The following PAK4 variants were observed in gnomAD, a reference collection of about 807,000 sequenced individuals.
PAK4 encodes the protein serine/threonine-protein kinase PAK 4.
In PAK4, 49 loss-of-function variants were observed where a neutral mutation model predicts 53.5. The observed-to-expected ratio is 0.92, with a 90% confidence interval of 0.73 to 1.16. The LOEUF is 1.16. Ranked by LOEUF, PAK4 falls within the 50% of genes most tolerant of loss-of-function variation. PAK4 has a pLI of 0.00. For synonymous variants in PAK4, 376 were observed against 375.6 expected, an observed-to-expected ratio of 1.00 and a Z score of -0.01; for missense variants, 824 against 850.7, an observed-to-expected ratio of 0.97 and a Z score of 0.39.
rs747382740 is a variant in PAK4, at chr19:39,173,989, G to T, written c.1077G>T (p.Arg359Ser). The change falls in exon 4 of 9, where the codon AGG (arginine) becomes AGT (serine). Residue 359 changes from arginine to serine, a missense_variant. Around this residue, in one of 2 missense-constraint regions of PAK4, gnomAD observed 346 missense variants for 415.0 expected, o/e 0.83. Coordinates refer to ENST00000358301, the Ensembl canonical transcript of PAK4. This position sits in a 1 kb window ranked among gnomAD's most constrained non-coding sequence, Gnocchi z 6.9. Reference sequence around the variant, plus strand: ...AGATGGACCTGCGCAAGCAGCAGAGGCGCGAGCTGCTCTTCAACGAGGTGC... The same window carrying T: ...AGATGGACCTGCGCAAGCAGCAGAGTCGCGAGCTGCTCTTCAACGAGGTGC... 6.2e-7 allele frequency: 1 copy of T among 1,601,248 alleles called. No individual in the cohort carries two copies. The highest frequency in any genetic ancestry group is 1.1e-5 in the South Asian group (1 of 90,026).
At chr19:39,145,674 G>T (rs1353074358) in intron 1 of PAK4, among the ~76,000 whole-genome samples, 1 of 152,180 alleles carries the variant, frequency 6.6e-6, no homozygotes, top group Non-Finnish European at 1.5e-5. Flanking sequence ...GGTGTAATGG[G>T]GCGCTGGTGC....
intron 1 of PAK4, among the ~76,000 whole-genome samples, chr19:39,165,195 G>GATGATGATAATAATAATAATAATAATA (rs1364745681): frequency 2.3e-5 from 3 of 128,434 alleles, no homozygotes; most frequent in African/African-American, 8.9e-5. Flanking sequence ...TGATGATGAT[G>GATGATGATAATAATAATAATAATAATA]ATAATAATAA....
intron 1 of PAK4, among the ~76,000 whole-genome samples, chr19:39,147,177 C>G (rs1188271363): frequency 6.6e-6 from 1 of 152,110 alleles, no homozygotes; most frequent in East Asian, 1.9e-4. Flanking sequence ...CCTGCCCATC[C>G]CTAACCTCTG....
chr19:39,172,649 A>G (rs1465316463), intron 2 of PAK4, among the ~76,000 whole-genome samples: 2 of 151,988 alleles, frequency 1.3e-5, no homozygotes, highest in Non-Finnish European at 2.9e-5. Context: ...GAGGAACAGG[A>G]GAAAAACAAG....
intron 1 of PAK4, among the ~76,000 whole-genome samples, chr19:39,163,033 G>T (rs1472904108): frequency 6.6e-6 from 1 of 152,126 alleles, no homozygotes; most frequent in Non-Finnish European, 1.5e-5. Flanking sequence ...GGAATGGCTT[G>T]GGGGACTCAG....
rs200391013 is a variant in PAK4 at position 39,173,591 on chromosome 19, G to A, written c.679G>A (p.Val227Met). 3.0e-4 allele frequency: 459 copies of A among 1,524,344 alleles called. 1 individual carries two copies. In the South Asian group the frequency reaches 3.1e-3, roughly 10 times the overall value. 94.4% of individuals were successfully genotyped at this position (1,524,344 alleles called of 1,614,324 possible). A position where few individuals can be genotyped will look rare whatever the true frequency, so the allele number is the denominator to read the frequency against. ...TCTGTTTCAGGGGGAGCCTCATGACGTGGCCCCTAACGGGCCATCAGCGGG... is the reference window on the plus strand; with the variant it reads ...TCTGTTTCAGGGGGAGCCTCATGACATGGCCCCTAACGGGCCATCAGCGGG... Residue 227 changes from valine to methionine, a missense_variant, in exon 4 of 9, where the codon GTG (valine) becomes ATG (methionine). Around this residue, in one of 2 missense-constraint regions of PAK4, gnomAD observed 478 missense variants for 435.8 expected, o/e 1.10. Transcript: ENST00000358301. This position sits in a 1 kb window ranked among gnomAD's most constrained non-coding sequence, Gnocchi z 6.9.
At chr19:39,171,260 A>G (rs1231845575) in intron 2 of PAK4, among the ~76,000 whole-genome samples, 7 of 138,448 alleles carry the variant, frequency 5.1e-5, no homozygotes, top group African/African-American at 1.7e-4. Context: ...CCCTGGCTGG[A>G]GTGCAGTGGC....
chr19:39,170,860 G>T (rs1388116622), intron 2 of PAK4, among the ~76,000 whole-genome samples: 1 of 152,232 alleles, frequency 6.6e-6, no homozygotes, highest in Non-Finnish European at 1.5e-5. Context: ...GCCGTTTCTG[G>T]CATCTGGTGA....
chr19:39,170,592 C>A (rs1322024529), intron 2 of PAK4, among the ~76,000 whole-genome samples: 5 of 152,194 alleles, frequency 3.3e-5, no homozygotes, highest in Non-Finnish European at 2.9e-5. Flanking sequence ...CAGTGGGGAC[C>A]AGGAGGGGCC....
intron 2 of PAK4, 59 bp downstream of exon 3, chr19:39,169,816 C>A: frequency 7.9e-7 from 1 of 1,271,066 alleles, no homozygotes. Flanking sequence ...TGGCCCTGGC[C>A]CTCAACCCCA....
At chr19:39,150,116 T>G (rs1343336045) in intron 1 of PAK4, among the ~76,000 whole-genome samples, 2 of 152,100 alleles carry the variant, frequency 1.3e-5, no homozygotes, top group African/African-American at 4.8e-5. Flanking sequence ...TAAAAATAAA[T>G]TTTTGAAACC....
Position 39,175,119 on chromosome 19 carries a change from A to T in PAK4, c.1232+55A>T. Reference sequence around the variant, plus strand: ...GACACGACCAAGTCCCCTCCAGACCACTAGGGGTGGGGCCACATCTCCAAA... The same window carrying T: ...GACACGACCAAGTCCCCTCCAGACCTCTAGGGGTGGGGCCACATCTCCAAA... On this transcript the variant is annotated intron_variant, in intron 5 of 8. Transcript: ENST00000358301. The surrounding 1 kb of genome is among the most constrained non-coding windows in gnomAD (Gnocchi z 4.7). The T allele has an allele frequency of 6.4e-7, 1 of 1,556,998 alleles. No individual in the cohort carries two copies. The highest frequency in any genetic ancestry group is 8.7e-7 in the Non-Finnish European group (1 of 1,147,124).
rs147836656 is a variant in PAK4 at position 39,162,826 on chromosome 19, G to A, written c.-22-6706G>A. On this transcript the variant is annotated intron_variant, in intron 1 of 8. Transcript: ENST00000358301. The stretch of plus-strand genomic sequence containing the variant: ...CATGGACGGGTGCGTGGGTCGATGC[G>A]TGGGTGGGTGTGATCGGGTCACTTG... Among the ~76,000 whole-genome samples, 471 of 152,248 alleles carry A rather than the reference G, an allele frequency of 3.1e-3. 7 individuals carry two copies. Among genetic ancestry groups the A allele is most frequent in the Admixed American group, 5.5e-3 (84 of 15,286 alleles).
In PAK4 at chr19:39,175,272, G is replaced by T; in HGVS notation, c.1233-40G>T. 2 of 1,548,912 alleles carry T rather than the reference G, an allele frequency of 1.3e-6. No homozygotes were observed. The highest frequency in any genetic ancestry group is 2.3e-5 in the South Asian group (2 of 85,118). ...TGCGTCCCCCTCGGCACCCCGGGGT[G>T]CTGTCCAGCTGGCTGCTCACCCCCC... On this transcript the variant is annotated intron_variant, in intron 5 of 8. Transcript: ENST00000358301. This position sits in a 1 kb window ranked among gnomAD's most constrained non-coding sequence, Gnocchi z 4.7.
rs1038956517 is a variant in PAK4, at chr19:39,127,125, C to T, written c.-23+1206C>T. On this transcript the variant is annotated intron_variant, in intron 1 of 8. Transcript: ENST00000358301. ...AGGGTGTTTGTAGGTGGTCTGGAGT[C>T]CGAGCAAGGGAGTCCGACGGGCTTC... is the stretch of plus-strand genomic sequence containing the variant. Among the ~76,000 whole-genome samples, 15 of 152,152 alleles carry T rather than the reference C, an allele frequency of 9.9e-5. No homozygotes were observed. In the East Asian group the frequency reaches 2.9e-3, roughly 30 times the overall value.
intron 1 of PAK4, among the ~76,000 whole-genome samples, chr19:39,128,253 T>C (rs2073628274): frequency 6.6e-6 from 1 of 152,140 alleles, no homozygotes; most frequent in South Asian, 2.1e-4. Flanking sequence ...GTAGTTGCTG[T>C]GTAAGCATTA....
intron 1 of PAK4, among the ~76,000 whole-genome samples, chr19:39,158,088 G>C (rs972484581): frequency 6.7e-6 from 1 of 150,054 alleles, no homozygotes; most frequent in East Asian, 2.0e-4. Flanking sequence ...GTGTGTGTGT[G>C]CATGTGTGTG....
At position 39,178,306 on chromosome 19, in the gene PAK4, C is replaced by A. The variant is rs1047629470; in HGVS notation, c.1621-118C>A. On this transcript the variant is annotated intron_variant, in intron 8 of 8. Transcript: ENST00000358301. This position sits in a 1 kb window ranked among gnomAD's most constrained non-coding sequence, Gnocchi z 4.4. ...GATCTAGACACCCATGACCTCCGCC[C>A]CCTGCCCTCCTGCACAGTACATGCC... 9 of 1,068,350 alleles carry A rather than the reference C, an allele frequency of 8.4e-6. No homozygotes were observed. Among genetic ancestry groups the A allele is most frequent in the Non-Finnish European group, 1.1e-5 (8 of 749,318 alleles). The allele number at this position is 1,068,350 out of a possible 1,614,324, so 66.2% of individuals were successfully genotyped here.
chr19:39,157,219 CG>C (rs149117755), intron 1 of PAK4, among the ~76,000 whole-genome samples: 62 of 150,854 alleles, frequency 4.1e-4, no homozygotes, highest in African/African-American at 1.4e-3. Context: ...GTTTTGGGGT[CG>C]GGGGGGTGCC....
Sources: gnomAD v4.1 joint callset for allele counts (sites outside exome capture counted in the v4.1 genomes callset) on GRCh38, gnomAD v4.1.1 for gene constraint, gnomAD v4.1.1 regional missense constraint, Gnocchi (gnomAD v3.1) non-coding constraint, MANE v1.5 for transcripts, NCBI Gene and HGNC (gene_info 2026-07-23, HGNC 2026-07-21) for gene names.